The following SPATA13 variants were observed in gnomAD, a reference collection of about 807,000 sequenced individuals.
SPATA13 encodes the protein spermatogenesis-associated protein 13.
SPATA13 carries 50 observed loss-of-function variants against 104.0 expected under a neutral mutation model. The observed-to-expected ratio is 0.48, with a 90% CI of 0.38 to 0.61. SPATA13 has a LOEUF of 0.61. Ranked by LOEUF, SPATA13 falls within the 20% of genes least tolerant of loss-of-function variation. The probability of loss-of-function intolerance (pLI) is 0.00; values close to 1 mark genes in which losing one functional copy is unlikely to be tolerated. For synonymous variants in SPATA13, 606 were observed against 667.5 expected, an observed-to-expected ratio of 0.91 and a Z score of 1.42; for missense variants, 1,524 against 1,690.6, an observed-to-expected ratio of 0.90 and a Z score of 1.73.
chr13:24,299,744 C>T (rs182784042), intron 11 of SPATA13, among the ~76,000 whole-genome samples: 1 of 152,330 alleles, frequency 6.6e-6, no homozygotes, highest in Non-Finnish European at 1.5e-5. Context: ...AGGCAGGGCC[C>T]CAGCACCCAG....
At chr13:24,066,986 T>A (rs909343150) in intron 3 of SPATA13, among the ~76,000 whole-genome samples, 15 of 152,304 alleles carry the variant, frequency 9.8e-5, no homozygotes, top group African/African-American at 3.6e-4. Flanking sequence ...CCTCACAGTT[T>A]TAGAGCCCAG....
At chr13:24,101,886 T>C (rs866494314) in intron 3 of SPATA13, among the ~76,000 whole-genome samples, 4 of 152,252 alleles carry the variant, frequency 2.6e-5, no homozygotes, top group Non-Finnish European at 5.9e-5. Flanking sequence ...GGTCCATTGA[T>C]GGACACTTGG....
intron 3 of SPATA13, chr13:24,122,288 A>G (rs1881054914): frequency 1.5e-6 from 2 of 1,351,974 alleles, no homozygotes; most frequent in African/African-American, 1.4e-5. Context: ...AGTTTGAAAG[A>G]TAGTTTGAAA....
intron 1 of SPATA13, among the ~76,000 whole-genome samples, chr13:24,204,584 T>A (rs954411510): frequency 2.0e-5 from 3 of 152,168 alleles, no homozygotes; most frequent in African/African-American, 7.2e-5. Flanking sequence ...TCCATACTCA[T>A]TAAGCAACAG....
chr13:24,009,099 T>C (rs1029226688), intron 2 of SPATA13, among the ~76,000 whole-genome samples: 1 of 152,200 alleles, frequency 6.6e-6, no homozygotes, highest in Non-Finnish European at 1.5e-5. Flanking sequence ...CAGGCCCTGC[T>C]GAGGGTGCCC....
Position 24,145,750 on chromosome 13 carries a change from A to C in SPATA13, c.-111-77069A>C, listed in dbSNP as rs77963271. On this transcript the variant is annotated intron_variant, in intron 3 of 14. Coordinates refer to the SPATA13 transcript ENST00000424834. ...CATGATCAATAAATAGAGAACGGCT[A>C]ATTTTCAAATTGGTGATGCTGCTAG... Among the ~76,000 whole-genome samples, 78 of 152,346 alleles carry C rather than the reference A, an allele frequency of 5.1e-4. 1 individual carries two copies. The East Asian group carries it at 0.013, about 26-fold the overall frequency.
chr13:24,223,770 C>T lies in SPATA13; in HGVS notation c.841C>T (p.His281Tyr). Reference protein sequence around the residue: ...TSNLADLRTAHDARVPQRTLS... With the variant: ...TSNLADLRTAYDARVPQRTLS... ...CAATCTTGCAGACCTCAGGACGGCC[C>T]ATGACGCACGGGTACCACAGAGGAC... is the stretch of plus-strand genomic sequence containing the variant. The change falls in exon 2 of 13, where the codon CAT becomes TAT. Residue 281 changes from histidine to tyrosine, a missense_variant. This residue lies in a region of SPATA13 where 1,089 missense variants were observed against 1,135.9 expected (regional missense o/e 0.96). Transcript: ENST00000382108. 6.4e-7 allele frequency: 1 copy of T among 1,551,876 alleles called. No homozygotes were observed. The highest frequency in any genetic ancestry group is 8.7e-7 in the Non-Finnish European group (1 of 1,147,030).
At chr13:24,100,408 T>C (rs1203548755) in intron 3 of SPATA13, among the ~76,000 whole-genome samples, 3 of 152,248 alleles carry the variant, frequency 2.0e-5, no homozygotes. Context: ...TTAACAGCTG[T>C]AATAAATGTG....
chr13:24,227,819 C>T (rs987332439), intron 2 of SPATA13, among the ~76,000 whole-genome samples: 1 of 152,154 alleles, frequency 6.6e-6, no homozygotes, highest in Non-Finnish European at 1.5e-5. Context: ...ATTCGCCTAC[C>T]TCAGCCTTCC....
intron 3 of SPATA13, among the ~76,000 whole-genome samples, chr13:24,135,185 G>A (rs1881518587): frequency 6.6e-6 from 1 of 150,996 alleles, no homozygotes; most frequent in Non-Finnish European, 1.5e-5. Context: ...ACTTTGTTAA[G>A]GCAACCCTAA....
chr13:24,281,401 C>G (rs1317599041), intron 4 of SPATA13, among the ~76,000 whole-genome samples: 1 of 152,128 alleles, frequency 6.6e-6, no homozygotes, highest in Non-Finnish European at 1.5e-5. Flanking sequence ...GAGCCTGGAA[C>G]CCTGACTTTG....
upstream of SPATA13, among the ~76,000 whole-genome samples, chr13:24,157,574 A>C (rs1882300483): frequency 6.6e-6 from 1 of 152,182 alleles, no homozygotes; most frequent in Non-Finnish European, 1.5e-5. Flanking sequence ...TGCTGGGATT[A>C]CAGGCGTGAG....
chr13:24,013,824 C>G (rs1259297415), intron 2 of SPATA13, among the ~76,000 whole-genome samples: 1 of 151,492 alleles, frequency 6.6e-6, no homozygotes, highest in Admixed American at 6.6e-5. Context: ...GTGCTGCATA[C>G]AGTCAATAGC....
chr13:24,054,171 C>G (rs1371563361), intron 3 of SPATA13, among the ~76,000 whole-genome samples: 4 of 152,168 alleles, frequency 2.6e-5, no homozygotes, highest in Non-Finnish European at 5.9e-5. Flanking sequence ...CCTCGTCTGC[C>G]ACTTCCAAGG....
intron 2 of SPATA13, among the ~76,000 whole-genome samples, chr13:24,014,292 A>G (rs1363853904): frequency 6.6e-6 from 1 of 152,098 alleles, no homozygotes; most frequent in African/African-American, 2.4e-5. Context: ...TCTCACCCTA[A>G]TGACCTCATC....
At chr13:24,123,346 C>T in intron 3 of SPATA13, 1 of 1,340,424 alleles carries the variant, frequency 7.5e-7, no homozygotes, top group Non-Finnish European at 1.1e-6. Flanking sequence ...AACTTCACTT[C>T]ACAGAAATAG....
intron 1 of SPATA13, among the ~76,000 whole-genome samples, chr13:24,176,420 AG>A (rs1475685975): frequency 6.6e-6 from 1 of 152,190 alleles, no homozygotes; most frequent in Non-Finnish European, 1.5e-5. Context: ...TTTACAGAAA[AG>A]TTGGAAAATA....
At chr13:24,058,689 T>G (rs1204129699) in intron 3 of SPATA13, among the ~76,000 whole-genome samples, 2 of 152,074 alleles carry the variant, frequency 1.3e-5, no homozygotes, top group Admixed American at 1.3e-4. Context: ...TTGATAAAAC[T>G]TGACAGATCA....
chr13:24,085,001 C>A (rs1203747883), intron 3 of SPATA13, among the ~76,000 whole-genome samples: 2 of 152,164 alleles, frequency 1.3e-5, no homozygotes, highest in Admixed American at 6.5e-5. Flanking sequence ...GGGCAATAAA[C>A]CCCCCTAAGT....
Sources: allele counts gnomAD v4.1 joint callset (sites outside exome capture counted in the v4.1 genomes callset), GRCh38; gene constraint gnomAD v4.1.1; regional missense constraint gnomAD v4.1.1; transcripts MANE v1.5; gene names NCBI Gene and HGNC (gene_info 2026-07-23, HGNC 2026-07-21).